ATP8A2: variants seen among roughly 807,000 people sequenced by gnomAD.
The protein encoded by ATP8A2 is ATPase phospholipid transporting 8A2.
Under a neutral mutation model 165.6 loss-of-function variants are expected in ATP8A2, and 100 were observed. That is an observed-to-expected ratio of 0.60 (90% CI 0.51 to 0.71). The LOEUF (loss-of-function observed/expected upper bound fraction) is 0.71, where lower values mean the gene tolerates loss of function less well. Ranked by LOEUF, ATP8A2 falls within the 30% of genes least tolerant of loss-of-function variation. The pLI, the probability that ATP8A2 is intolerant of heterozygous loss-of-function variation, is 0.00. For missense variants in ATP8A2, 1,227 were observed against 1,479.5 expected (o/e 0.83, Z 2.80); for synonymous variants, 543 against 548.8 (o/e 0.99, Z 0.15).
At chr13:25,932,228 A>G (rs1954787338) in intron 33 of ATP8A2, among the ~76,000 whole-genome samples, 3 of 152,098 alleles carry the variant, frequency 2.0e-5, no homozygotes, top group Admixed American at 6.5e-5. Flanking sequence ...TCAGAGGGGA[A>G]CAGAAAGGAA....
intron 33 of ATP8A2, among the ~76,000 whole-genome samples, chr13:25,909,607 G>A (rs550634391): frequency 1.7e-4 from 26 of 152,210 alleles, no homozygotes; most frequent in Non-Finnish European, 2.1e-4. Flanking sequence ...AATCCTTAAT[G>A]CACATTTAAA....
At chr13:25,973,324 C>T (rs980820487) in intron 35 of ATP8A2, among the ~76,000 whole-genome samples, 3 of 152,140 alleles carry the variant, frequency 2.0e-5, no homozygotes, top group Admixed American at 2.0e-4. Context: ...CTGGACGGCC[C>T]ATCACCGCCA....
At chr13:25,513,977 TGGGAGAGGGGGAGGGGGAGGGGGA>T (rs2037377831) in intron 2 of ATP8A2, among the ~76,000 whole-genome samples, 1 of 24,918 alleles carries the variant, frequency 4.0e-5, no homozygotes, top group Non-Finnish European at 1.1e-4. Context: ...CCATGGGGAG[TGGGAGAGGGGGAGGGGGAGGGGGA>T]GGGAGAGGGA....
intron 1 of ATP8A2, among the ~76,000 whole-genome samples, chr13:25,461,793 A>G (rs1205531981): frequency 6.6e-6 from 1 of 152,114 alleles, no homozygotes. Context: ...TGGCCTGTAA[A>G]GTAAGACTGG....
intron 24 of ATP8A2, among the ~76,000 whole-genome samples, chr13:25,665,517 C>T (rs986303309): frequency 6.6e-6 from 1 of 151,700 alleles, no homozygotes; most frequent in Non-Finnish European, 1.5e-5. Flanking sequence ...TACTTTCAAT[C>T]CCTGGTACAT....
chr13:25,555,713 A>G (rs765884563), intron 13 of ATP8A2, among the ~76,000 whole-genome samples: 2 of 151,990 alleles, frequency 1.3e-5, no homozygotes, highest in Admixed American at 1.3e-4. Context: ...GGTTTGGAAT[A>G]TGAATGATCC....
At chr13:25,996,290 G>A (rs78194578) in intron 35 of ATP8A2, among the ~76,000 whole-genome samples, 2,927 of 152,118 alleles carry the variant, frequency 0.019, 83 homozygotes, top group African/African-American at 0.06. Context: ...ATATGTTGGG[G>A]CATATGTCTG....
chr13:25,516,435 T>C (rs1281103845), intron 2 of ATP8A2, among the ~76,000 whole-genome samples: 1 of 152,184 alleles, frequency 6.6e-6, no homozygotes, highest in Non-Finnish European at 1.5e-5. Context: ...GTAGTAGGGA[T>C]TATTTCCCTC....
At chr13:25,527,740 C>T (rs1414745485) in intron 2 of ATP8A2, among the ~76,000 whole-genome samples, 1 of 152,168 alleles carries the variant, frequency 6.6e-6, no homozygotes, top group Admixed American at 6.5e-5. Flanking sequence ...TTCCTTTCCT[C>T]CTCAACTCTC....
intron 36 of ATP8A2, among the ~76,000 whole-genome samples, chr13:26,014,230 C>T (rs1252397800): frequency 2.0e-5 from 3 of 152,206 alleles, no homozygotes; most frequent in Non-Finnish European, 2.9e-5. Context: ...AATATGAGAA[C>T]TTACTGGATG....
At chr13:25,485,027 T>G (rs553069195) in intron 2 of ATP8A2, among the ~76,000 whole-genome samples, 1 of 152,238 alleles carries the variant, frequency 6.6e-6, no homozygotes, top group Non-Finnish European at 1.5e-5. Flanking sequence ...TTGTTAAAAC[T>G]GCCTCATAGT....
chr13:25,859,339 G>T (rs9553664), intron 30 of ATP8A2, among the ~76,000 whole-genome samples: 9,299 of 152,056 alleles, frequency 0.061, 485 homozygotes, highest in East Asian at 0.19. Flanking sequence ...ACAAACCTGC[G>T]CATGTACCCC....
In ATP8A2 at chr13:25,875,447, G is replaced by A. The variant is rs188491530; in HGVS notation, c.3183+13039G>A. ...CAACCTCTCGTGTACAATTGGGTGG[G>A]TCTGTAGTTGGCTCTGTGCAGTTAG... On this transcript the variant is annotated intron_variant, in intron 33 of 36. Coordinates refer to ENST00000381655, the MANE Select transcript of ATP8A2 (RefSeq NM_016529.6). Among the ~76,000 whole-genome samples, 11 of 151,862 alleles carry A rather than the reference G, an allele frequency of 7.2e-5. No individual in the cohort carries two copies. The East Asian group carries it at 2.1e-3, about 29-fold the overall frequency.
chr13:25,818,903 C>A (rs1446262004), intron 27 of ATP8A2, among the ~76,000 whole-genome samples: 1 of 152,200 alleles, frequency 6.6e-6, no homozygotes, highest in Non-Finnish European at 1.5e-5. Flanking sequence ...ATGTGGCAAG[C>A]TCGAAGAGAA....
chr13:25,678,304 G>T (rs2042412972), intron 24 of ATP8A2, among the ~76,000 whole-genome samples: 1 of 152,168 alleles, frequency 6.6e-6, no homozygotes. Context: ...AACAAGTGAA[G>T]AAGGCAGATA....
chr13:25,523,764 T>G (rs952410561), intron 2 of ATP8A2, among the ~76,000 whole-genome samples: 1 of 152,136 alleles, frequency 6.6e-6, no homozygotes, highest in African/African-American at 2.4e-5. Context: ...CTTTTCTTCC[T>G]AGTCTAGCTA....
chr13:25,495,624 CTTTTT>C (rs11369713), intron 2 of ATP8A2, among the ~76,000 whole-genome samples: 2 of 88,242 alleles, frequency 2.3e-5, no homozygotes, highest in African/African-American at 8.4e-5. Flanking sequence ...GCATGCCTTG[CTTTTT>C]TTTTTTTTTT....
At chr13:25,413,002 G>A (rs1398846389) in intron 1 of ATP8A2, among the ~76,000 whole-genome samples, 2 of 152,104 alleles carry the variant, frequency 1.3e-5, no homozygotes, top group Non-Finnish European at 2.9e-5. Context: ...ATTTTTAGTG[G>A]AGACGGGGTT....
At chr13:25,838,479 GA>G (rs1951677145) in intron 29 of ATP8A2, among the ~76,000 whole-genome samples, 1 of 151,984 alleles carries the variant, frequency 6.6e-6, no homozygotes, top group African/African-American at 2.4e-5. Flanking sequence ...ATTTTCTACA[GA>G]ATTTGAATTC....
Sources: gnomAD v4.1 joint callset for allele counts (sites outside exome capture counted in the v4.1 genomes callset) on GRCh38, gnomAD v4.1.1 for gene constraint, MANE v1.5 for transcripts, NCBI Gene and HGNC (gene_info 2026-07-23, HGNC 2026-07-21) for gene names.